The following ATP2B2 variants were observed in gnomAD, a reference collection of about 807,000 sequenced individuals.
The protein encoded by ATP2B2 is plasma membrane calcium-transporting ATPase 2.
ATP2B2 carries 15 observed loss-of-function variants against 120.0 expected under a neutral mutation model. That is an observed-to-expected ratio of 0.12 (90% CI 0.08 to 0.19). The LOEUF is 0.19. Among genes scored for constraint, ATP2B2 ranks in the 10% least tolerant of loss-of-function variants. ATP2B2 has a pLI of 1.00. For missense variants in ATP2B2, 1,045 were observed against 1,719.8 expected (o/e 0.61, Z 6.94); for synonymous variants, 694 against 700.3 (o/e 0.99, Z 0.14).
At chr3:10,377,822 C>T (rs954535748) in intron 10 of ATP2B2, among the ~76,000 whole-genome samples, 2 of 152,240 alleles carry the variant, frequency 1.3e-5, no homozygotes, top group Non-Finnish European at 1.5e-5. Flanking sequence ...AACTTCAGGC[C>T]CTGCACCCTC....
chr3:10,414,165 G>A (rs1284865704), intron 2 of ATP2B2, among the ~76,000 whole-genome samples: 1 of 152,204 alleles, frequency 6.6e-6, no homozygotes, highest in Non-Finnish European at 1.5e-5. Flanking sequence ...GAAAAAGTAG[G>A]TGAGGCCAGC....
intron 2 of ATP2B2, among the ~76,000 whole-genome samples, chr3:10,416,192 G>A (rs1433306588): frequency 6.6e-6 from 1 of 152,204 alleles, no homozygotes; most frequent in Non-Finnish European, 1.5e-5. Flanking sequence ...AGACAGCCAC[G>A]GCGCAAAGTG....
intron 2 of ATP2B2, among the ~76,000 whole-genome samples, chr3:10,551,751 A>G (rs897320513): frequency 2.0e-5 from 3 of 152,178 alleles, no homozygotes; most frequent in African/African-American, 7.2e-5. Flanking sequence ...TCCAAAAGCT[A>G]CCTTGGTCTG....
chr3:10,373,840 C>T (rs2061310000), intron 11 of ATP2B2, among the ~76,000 whole-genome samples: 1 of 152,112 alleles, frequency 6.6e-6, no homozygotes, highest in Admixed American at 6.6e-5. Context: ...TCTGAAAGTG[C>T]TGGGGATTAC....
intron 2 of ATP2B2, chr3:10,570,221 C>A (rs1354092108): frequency 6.6e-6 from 1 of 152,188 alleles, no homozygotes; most frequent in Non-Finnish European, 1.5e-5. Context: ...AATAAAGGGC[C>A]CGTTCAGGTA....
At chr3:10,492,968 C>G (rs923657716) in intron 1 of ATP2B2, among the ~76,000 whole-genome samples, 2 of 152,196 alleles carry the variant, frequency 1.3e-5, no homozygotes, top group African/African-American at 4.8e-5. Flanking sequence ...AAGGGCTGTT[C>G]TGGGTTTATT....
At chr3:10,337,755 A>C (rs945885150) in intron 22 of ATP2B2, among the ~76,000 whole-genome samples, 2 of 151,870 alleles carry the variant, frequency 1.3e-5, no homozygotes, top group African/African-American at 4.8e-5. Context: ...CCCCCTGACC[A>C]CCACGCCCTG....
chr3:10,560,312 G>A (rs1473143955), intron 2 of ATP2B2, among the ~76,000 whole-genome samples: 1 of 152,212 alleles, frequency 6.6e-6, no homozygotes, highest in Non-Finnish European at 1.5e-5. Flanking sequence ...TCAGCCCAGG[G>A]CCTGTCCTCC....
chr3:10,336,366 G>A, intron 22 of ATP2B2: 1 of 1,475,486 alleles, frequency 6.8e-7, no homozygotes, highest in African/African-American at 1.4e-5. Context: ...ATGACTGACA[G>A]GGCAACGTCA....
chr3:10,349,971 A>G (rs2060531297), intron 16 of ATP2B2, 141 bp downstream of exon 16: 1 of 826,152 alleles, frequency 1.2e-6, no homozygotes, highest in East Asian at 2.7e-5. Flanking sequence ...AGGGGGTGAC[A>G]TAAGGCTGTG....
chr3:10,446,027 C>T (rs1051431683), intron 2 of ATP2B2, among the ~76,000 whole-genome samples: 3 of 152,176 alleles, frequency 2.0e-5, no homozygotes, highest in Admixed American at 6.5e-5. Flanking sequence ...CCCAGGTGGC[C>T]GTGCTTGGCT....
chr3:10,650,974 AC>A (rs2070445850), intron 1 of ATP2B2, among the ~76,000 whole-genome samples: 1 of 152,288 alleles, frequency 6.6e-6, no homozygotes, highest in African/African-American at 2.4e-5. Context: ...TGGATTTTGG[AC>A]TTGAGTGGGG....
intron 1 of ATP2B2, among the ~76,000 whole-genome samples, chr3:10,679,649 T>G (rs1256964397): frequency 6.6e-6 from 1 of 152,206 alleles, no homozygotes; most frequent in Non-Finnish European, 1.5e-5. Context: ...TGGCTTTATC[T>G]CCAGCAGGAG....
intron 2 of ATP2B2, among the ~76,000 whole-genome samples, chr3:10,536,325 C>T (rs1220938870): frequency 1.4e-5 from 2 of 144,020 alleles, no homozygotes; most frequent in African/African-American, 5.2e-5. Flanking sequence ...TTATCCTTGT[C>T]ACAGGATTTT....
chr3:10,674,986 G>A (rs892852924), intron 1 of ATP2B2, among the ~76,000 whole-genome samples: 10 of 152,238 alleles, frequency 6.6e-5, no homozygotes, highest in South Asian at 2.1e-4. Context: ...AATTTAGAAC[G>A]GTCCAGGCTT....
chr3:10,589,001 T>C (rs1480799321), intron 2 of ATP2B2, among the ~76,000 whole-genome samples: 1 of 152,180 alleles, frequency 6.6e-6, no homozygotes, highest in Non-Finnish European at 1.5e-5. Context: ...CGACATCTTT[T>C]AAGGGCATAA....
At chr3:10,475,871 G>C (rs911310479) in intron 1 of ATP2B2, among the ~76,000 whole-genome samples, 1 of 152,170 alleles carries the variant, frequency 6.6e-6, no homozygotes, top group Admixed American at 6.5e-5. Flanking sequence ...CTGGGGACTT[G>C]AAGGTGATTC....
chr3:10,389,384 T>C (rs1197913882), intron 5 of ATP2B2, among the ~76,000 whole-genome samples: 2 of 151,990 alleles, frequency 1.3e-5, no homozygotes, highest in Non-Finnish European at 2.9e-5. Flanking sequence ...AGGGGAGAAA[T>C]ATGGTCTATA....
At chr3:10,360,926 G>A (rs1348209532) in intron 12 of ATP2B2, among the ~76,000 whole-genome samples, 2 of 151,916 alleles carry the variant, frequency 1.3e-5, no homozygotes, top group Non-Finnish European at 2.9e-5. Flanking sequence ...CTCTTCCCCC[G>A]ACTCCCTGGC....
Sources: allele counts gnomAD v4.1 joint callset (sites outside exome capture counted in the v4.1 genomes callset), GRCh38; gene constraint gnomAD v4.1.1; transcripts MANE v1.5; gene names NCBI Gene and HGNC (gene_info 2026-07-23, HGNC 2026-07-21).